The following NCKAP5L variants were observed in gnomAD, a reference collection of about 807,000 sequenced individuals.
NCKAP5L encodes the protein NCK associated protein 5 like, also known as nck-associated protein 5-like.
NCKAP5L carries 54 observed loss-of-function variants against 103.2 expected under a neutral mutation model. The observed-to-expected ratio is 0.52, with a 90% CI of 0.42 to 0.66. The LOEUF (loss-of-function observed/expected upper bound fraction) is 0.66, where lower values mean the gene tolerates loss of function less well. Ranked by LOEUF, NCKAP5L falls within the 30% of genes least tolerant of loss-of-function variation. The pLI is 0.00. For missense variants in NCKAP5L, 1,733 were observed against 1,750.6 expected, an observed-to-expected ratio of 0.99 and a Z score of 0.18; for synonymous variants, 762 against 748.6, an observed-to-expected ratio of 1.02 and a Z score of -0.29.
At position 49,801,981 on chromosome 12, in the gene NCKAP5L, CG is replaced by C; in HGVS notation, c.232-15del. The C allele has an allele frequency of 1.9e-6, 3 of 1,613,278 alleles. No homozygotes were observed. The highest frequency in any genetic ancestry group is 1.1e-5 in the South Asian group (1 of 91,062). ...CTCTCGCAGGTCCTGCCGCCCACCC[CG>C]GGAAGTGCAGGAAGAAGAGGTGAGG... On this transcript the variant is annotated splice_polypyrimidine_tract_variant and intron_variant, in intron 5 of 12. Transcript: ENST00000335999.
chr12:49,802,853 G>T, intron 5 of NCKAP5L, 105 bp downstream of exon 5: 2 of 1,338,820 alleles, frequency 1.5e-6, no homozygotes, highest in Non-Finnish European at 2.0e-6. Flanking sequence ...GAAAGACGGG[G>T]AATCACTGGA....
chr12:49,797,522 C>T lies in NCKAP5L; in HGVS notation c.466-128G>A. On this transcript the variant is annotated intron_variant, in intron 7 of 12. Transcript: ENST00000335999. The surrounding 1 kb of genome is among the most constrained non-coding windows in gnomAD (Gnocchi z 4.5). Reference sequence around the variant, plus strand: ...GCTGGCCTGGTTGTGTCTGTGTCCCCAAAAGGAATTAACAGCAACTGGGAT... The same window carrying T: ...GCTGGCCTGGTTGTGTCTGTGTCCCTAAAAGGAATTAACAGCAACTGGGAT... The T allele has an allele frequency of 1.4e-6, 1 of 695,088 alleles. No individual in the cohort carries two copies. The highest frequency in any genetic ancestry group is 2.4e-6 in the Non-Finnish European group (1 of 420,942). The allele number at this position is 695,088 out of a possible 1,614,324, so 43.1% of individuals were successfully genotyped here. A position where few individuals can be genotyped will look rare whatever the true frequency, so the allele number is the denominator to read the frequency against.
At chr12:49,798,793 C>T (rs1230031268) in intron 6 of NCKAP5L, among the ~76,000 whole-genome samples, 3 of 152,180 alleles carry the variant, frequency 2.0e-5, no homozygotes, top group Non-Finnish European at 2.9e-5. Context: ...GGCTTCCTCT[C>T]CTCTCACAAA....
intron 9 of NCKAP5L, 42 bp from the exon 10 acceptor site, chr12:49,793,475 C>G (rs1460629630): frequency 1.3e-6 from 2 of 1,575,216 alleles, no homozygotes; most frequent in African/African-American, 1.3e-5. Context: ...CTCCTCCCCC[C>G]TCCACACCCC....
chr12:49,808,460 G>A (rs560958112), intron 1 of NCKAP5L, among the ~76,000 whole-genome samples: 5 of 152,350 alleles, frequency 3.3e-5, no homozygotes, highest in African/African-American at 1.2e-4. Flanking sequence ...GCTTGGTGGT[G>A]GGGAGGAGCA....
In NCKAP5L at chr12:49,795,886, G is replaced by A; in HGVS notation, c.1974C>T (p.Ser658=). 1.3e-6 allele frequency: 2 copies of A among 1,547,468 alleles called. No individual in the cohort carries two copies. The highest frequency in any genetic ancestry group is 1.7e-6 in the Non-Finnish European group (2 of 1,153,266). ...GSGRRPGDPG[S]TPLRDRLAAL... is the part of the protein sequence containing the mutation. ...CCGCCAGTCTGTCCCGCAGAGGTGTGCTGCCAGGATCCCCAGGTCGCCGTC... is the reference window on the plus strand; with the variant it reads ...CCGCCAGTCTGTCCCGCAGAGGTGTACTGCCAGGATCCCCAGGTCGCCGTC... Residue 658 remains serine, a synonymous_variant, in exon 8 of 13, where the codon AGC becomes AGT. Transcript: ENST00000335999.
chr12:49,803,852 A>G (rs1946149142), intron 3 of NCKAP5L, 70 bp downstream of exon 3: 1 of 1,547,318 alleles, frequency 6.5e-7, no homozygotes, highest in African/African-American at 1.4e-5. Context: ...GGAAGCTCAG[A>G]GGGAGGGGCA....
At chr12:49,822,361 A>C (rs1454655599) in intron 1 of NCKAP5L, among the ~76,000 whole-genome samples, 1 of 152,202 alleles carries the variant, frequency 6.6e-6, no homozygotes, top group Non-Finnish European at 1.5e-5. Flanking sequence ...GGAGAAATCC[A>C]GGCACACCCA....
chr12:49,801,863 T>C lies in NCKAP5L; in HGVS notation c.336A>G (p.Thr112=), dbSNP rs771985569. 3.0e-5 allele frequency: 48 copies of C among 1,613,880 alleles called. No homozygotes were observed. The highest frequency in any genetic ancestry group is 4.1e-5 in the Non-Finnish European group (48 of 1,179,886). The change falls in exon 6 of 13, where the codon ACA becomes ACG. Residue 112 remains threonine (T), a synonymous_variant. Transcript: ENST00000335999. ...ALFQQKLQLT[T]GSLPQIPLTP... Reference sequence around the variant, plus strand: ...AGATGCCTACCTGAGGGAGCGAGCCTGTCGTGAGCTGGAGTTTCTGCTGAA... The same window carrying C: ...AGATGCCTACCTGAGGGAGCGAGCCCGTCGTGAGCTGGAGTTTCTGCTGAA...
At chr12:49,813,334 C>T (rs188753297) in intron 1 of NCKAP5L, among the ~76,000 whole-genome samples, 54 of 152,296 alleles carry the variant, frequency 3.5e-4, no homozygotes, top group African/African-American at 1.3e-3. Flanking sequence ...ATTCCAGCCA[C>T]CCAGTAAGTG....
chr12:49,810,012 C>G (rs1021319881), intron 1 of NCKAP5L, among the ~76,000 whole-genome samples: 6 of 152,088 alleles, frequency 3.9e-5, no homozygotes, highest in Admixed American at 1.3e-4. Context: ...TCCAAACCAG[C>G]TGCAGGATAG....
chr12:49,793,438 G>A lies in NCKAP5L; in HGVS notation c.3259-5C>T. ...CCTCCCTGGCTCGCTGCTCGGCTGT[G>A]TGGGATACAGGAGACCTCATAGTCC... On this transcript the variant is annotated splice_region_variant and splice_polypyrimidine_tract_variant and intron_variant, in intron 9 of 12. Coordinates refer to ENST00000335999, the MANE Select transcript of NCKAP5L (RefSeq NM_001037806.4). 6.2e-7 allele frequency: 1 copy of A among 1,609,374 alleles called. No individual in the cohort carries two copies. Among genetic ancestry groups the A allele is most frequent in the Non-Finnish European group, 8.5e-7 (1 of 1,179,696 alleles).
chr12:49,817,999 C>A (rs1216306818), intron 1 of NCKAP5L, among the ~76,000 whole-genome samples: 1 of 151,936 alleles, frequency 6.6e-6, no homozygotes, highest in Non-Finnish European at 1.5e-5. Flanking sequence ...TGTGGTGGCT[C>A]ATGCCTGTAA....
intron 1 of NCKAP5L, among the ~76,000 whole-genome samples, chr12:49,826,865 CT>C (rs1238440033): frequency 6.6e-6 from 1 of 152,194 alleles, no homozygotes. Flanking sequence ...GGTCCTCACT[CT>C]CTTCGTGAGG....
At chr12:49,817,127 T>C (rs1197069429) in intron 1 of NCKAP5L, among the ~76,000 whole-genome samples, 3 of 152,112 alleles carry the variant, frequency 2.0e-5, no homozygotes, top group Admixed American at 2.0e-4. Flanking sequence ...CACTAAAAAC[T>C]ATAAAACACT....
Position 49,792,983 on chromosome 12 carries a change from C to T in NCKAP5L, c.3344G>A (p.Cys1115Tyr). ...GTCCAAGGTTCGAGTCAAGGAGCCA[C>T]AGGCTGGGGAGGGGAGGGGAGGGCC... is the stretch of plus-strand genomic sequence containing the variant. ...EPVPTSHFTA[C>Y]GSLTRTLDSG... The change falls in exon 11 of 13, where the codon TGT becomes TAT. Residue 1115 changes from cysteine to tyrosine, a missense_variant. By Grantham distance (194) the Cys-to-Tyr change is radical (BLOSUM62 -2). Transcript: ENST00000335999. The surrounding 1 kb of genome is among the most constrained non-coding windows in gnomAD (Gnocchi z 4.5). 6.5e-7 allele frequency: 1 copy of T among 1,534,362 alleles called. No homozygotes were observed. The highest frequency in any genetic ancestry group is 8.7e-7 in the Non-Finnish European group (1 of 1,148,198).
At chr12:49,794,734 A>G (rs1946002668) in intron 8 of NCKAP5L, 31 bp downstream of exon 8, 1 of 1,432,352 alleles carries the variant, frequency 7.0e-7, no homozygotes, top group Non-Finnish European at 9.2e-7. Flanking sequence ...CAAGCCCACC[A>G]AGCCCCTGTT....
Position 49,794,821 on chromosome 12 carries a change from G to A in NCKAP5L, c.3039C>T (p.Gly1013=), listed in dbSNP as rs1426677178. Residue 1013 remains glycine (G), a synonymous_variant, in exon 8 of 13, where the codon GGC becomes GGT. Coordinates refer to ENST00000335999, the MANE Select transcript of NCKAP5L (RefSeq NM_001037806.4). The stretch of plus-strand genomic sequence containing the variant: ...CACCTTGGTACATGCCAGCCAGCTG[G>A]CCCTGCACCTGCCCCAGCCCCGTGT... ...GPNTGLGQVQ[G]QLAGMYQGAD... is the part of the protein sequence containing the mutation. The A allele has an allele frequency of 5.2e-6, 8 of 1,543,932 alleles. No individual in the cohort carries two copies. The highest frequency in any genetic ancestry group is 1.2e-5 in the South Asian group (1 of 81,998).
Position 49,804,054 on chromosome 12 carries a change from G to T in NCKAP5L, c.-10C>A, listed in dbSNP as rs1376898120. ...CCATGGCCTCTGACATCTGGCCCTGGGAACAAGGAAGAGAAGCCCCGGCAG... is the reference window on the plus strand; with the variant it reads ...CCATGGCCTCTGACATCTGGCCCTGTGAACAAGGAAGAGAAGCCCCGGCAG... On this transcript the variant is annotated 5_prime_UTR_variant, in exon 3 of 13. Transcript: ENST00000335999. 1.9e-6 allele frequency: 3 copies of T among 1,608,520 alleles called. No individual in the cohort carries two copies. Among genetic ancestry groups the T allele is most frequent in the Non-Finnish European group, 8.5e-7 (1 of 1,179,806 alleles).
Sources: gnomAD v4.1 joint callset for allele counts (sites outside exome capture counted in the v4.1 genomes callset) on GRCh38, gnomAD v4.1.1 for gene constraint, Gnocchi (gnomAD v3.1) non-coding constraint, MANE v1.5 for transcripts, NCBI Gene and HGNC (gene_info 2026-07-23, HGNC 2026-07-21) for gene names.